POLL: variants seen among roughly 807,000 people sequenced by gnomAD.
POLL encodes the protein DNA polymerase beta-2.
In POLL, 44 loss-of-function variants were observed where a neutral mutation model predicts 58.1. The ratio of observed to expected loss-of-function variants is 0.76; its 90% CI spans 0.60 to 0.97. The LOEUF (loss-of-function observed/expected upper bound fraction) is 0.97, where lower values mean the gene tolerates loss of function less well. Ranked by LOEUF, POLL falls within the 50% of genes least tolerant of loss-of-function variation. The pLI is 0.00. For missense variants in POLL, 632 were observed against 736.8 expected, an observed-to-expected ratio of 0.86 and a Z score of 1.65; for synonymous variants, 290 against 283.2, an observed-to-expected ratio of 1.02 and a Z score of -0.24.
In POLL at chr10:101,582,980, C is replaced by T. The variant is rs745521793; in HGVS notation, c.1066-89G>A. 5 of 1,542,624 alleles carry T rather than the reference C, an allele frequency of 3.2e-6. No individual in the cohort carries two copies. In the South Asian group the frequency reaches 5.6e-5, roughly 17 times the overall value. ...GCACACACACAAGGCTTCCATCGCCCCAGACTCTAGGGAAGGCTAGAGGCA... is the reference window on the plus strand; with the variant it reads ...GCACACACACAAGGCTTCCATCGCCTCAGACTCTAGGGAAGGCTAGAGGCA... On this transcript the variant is annotated intron_variant, in intron 6 of 8. Coordinates refer to ENST00000370162, the MANE Select transcript of POLL (RefSeq NM_001174084.2).
intron 4 of POLL, 58 bp from the exon 5 acceptor site, chr10:101,584,977 T>A: frequency 2.1e-6 from 2 of 975,106 alleles, no homozygotes; most frequent in Non-Finnish European, 2.7e-6. Context: ...GAAGGGATCC[T>A]TAAAGGTGGG....
intron 7 of POLL, 63 bp downstream of exon 7, chr10:101,582,700 G>T: frequency 6.4e-7 from 1 of 1,573,282 alleles, no homozygotes; most frequent in Non-Finnish European, 8.7e-7. Context: ...GGGGTTCTTG[G>T]CTTTGACCCA....
chr10:101,587,473 A>C, intron 1 of POLL, 67 bp from the exon 2 acceptor site: 9 of 1,418,734 alleles, frequency 6.3e-6, no homozygotes, highest in Middle Eastern at 2.5e-4. Context: ...GTCTTTCCTG[A>C]CCAGGCTTTG....
chr10:101,580,136 G>C lies in POLL; in HGVS notation c.1363+112C>G. The stretch of plus-strand genomic sequence containing the variant: ...AGAGATGGGATGCTGGCAAAGCACT[G>C]TTCCCCTGCTTCCTGCCTCAGGACT... On this transcript the variant is annotated intron_variant, in intron 8 of 8. Coordinates refer to ENST00000370162, the MANE Select transcript of POLL (RefSeq NM_001174084.2). The surrounding 1 kb of genome is among the most constrained non-coding windows in gnomAD (Gnocchi z 4.1). 1.0e-6 allele frequency: 1 copy of C among 971,974 alleles called. No homozygotes were observed. Among genetic ancestry groups the C allele is most frequent in the Non-Finnish European group, 1.6e-6 (1 of 641,008 alleles). The allele number at this position is 971,974 out of a possible 1,614,324, so 60.2% of individuals were successfully genotyped here. A position where few individuals can be genotyped will look rare whatever the true frequency, so the allele number is the denominator to read the frequency against.
chr10:101,580,738 G>C lies in POLL; in HGVS notation c.1195-322C>G, dbSNP rs1237022587. ...GGAGACACAGACTCTCTCTGCCCCTGCCCCAGCCCACGTGCCCAGGTCTGT... is the reference window on the plus strand; with the variant it reads ...GGAGACACAGACTCTCTCTGCCCCTCCCCCAGCCCACGTGCCCAGGTCTGT... On this transcript the variant is annotated intron_variant, in intron 7 of 8. Coordinates refer to ENST00000370162, the MANE Select transcript of POLL (RefSeq NM_001174084.2). The surrounding 1 kb of genome is among the most constrained non-coding windows in gnomAD (Gnocchi z 4.1). 1 of 244,382 alleles carries C rather than the reference G, an allele frequency of 4.1e-6. No homozygotes were observed. The highest frequency in any genetic ancestry group is 2.3e-5 in the African/African-American group (1 of 44,080). 15.1% of individuals were successfully genotyped at this position (244,382 alleles called of 1,614,324 possible). A position where few individuals can be genotyped will look rare whatever the true frequency, so the allele number is the denominator to read the frequency against.
intron 7 of POLL, chr10:101,582,199 C>T (rs2134599593): frequency 6.5e-6 from 1 of 153,546 alleles, no homozygotes; most frequent in Admixed American, 6.4e-5. Flanking sequence ...AGCCCCAAAC[C>T]AAATCCTACT....
Position 101,585,524 on chromosome 10 carries a change from T to C in POLL, c.411-46A>G, listed in dbSNP as rs746382906. The C allele has an allele frequency of 2.7e-5, 39 of 1,438,790 alleles. No individual in the cohort carries two copies. The East Asian group carries it at 7.1e-4, about 26-fold the overall frequency. The allele number at this position is 1,438,790 out of a possible 1,614,324, so 89.1% of individuals were successfully genotyped here. On this transcript the variant is annotated intron_variant, in intron 3 of 8. Coordinates refer to ENST00000370162, the MANE Select transcript of POLL (RefSeq NM_001174084.2). ...GGTTAAGACACCAAAGGTCTCACCC[T>C]GTATCTGTCCCCAGTCCTTCTGTAC...
In POLL at chr10:101,583,545, C is replaced by A. The variant is rs1240341046; in HGVS notation, c.1028G>T (p.Gly343Val). Residue 343 changes from glycine (G) to valine (V), a missense_variant, in exon 6 of 9, where the codon GGA (glycine) becomes GTA (valine). Gly to Val is a moderately radical substitution (Grantham distance 109). Coordinates refer to ENST00000370162, the MANE Select transcript of POLL (RefSeq NM_001174084.2). ...CATCTGGGCAGTCTTGGTCCCAGCT[C>A]CCCAGATGTTGGAGAAGAGCTCCAA... Reference protein sequence around the residue: ...PVLELFSNIWGAGTKTAQMWY... With the variant: ...PVLELFSNIWVAGTKTAQMWY... 3.1e-6 allele frequency: 5 copies of A among 1,613,660 alleles called. No homozygotes were observed. Among genetic ancestry groups the A allele is most frequent in the Non-Finnish European group, 4.2e-6 (5 of 1,180,036 alleles).
chr10:101,580,404 C>T lies in POLL; in HGVS notation c.1207G>A (p.Ala403Thr). 6.2e-7 allele frequency: 1 copy of T among 1,613,658 alleles called. No individual in the cohort carries two copies. The highest frequency in any genetic ancestry group is 2.2e-5 in the East Asian group (1 of 44,866). Residue 403 changes from alanine to threonine, a missense_variant, in exon 8 of 9, where the codon GCC (alanine) becomes ACC (threonine). Coordinates refer to ENST00000370162, the MANE Select transcript of POLL (RefSeq NM_001174084.2). The surrounding 1 kb of genome is among the most constrained non-coding windows in gnomAD (Gnocchi z 4.1). ...AGCAGCCCAGAGTTAAAGGCCTGGGCTGCTTTCTGGACCTGGGAAAGAGAG... is the reference window on the plus strand; with the variant it reads ...AGCAGCCCAGAGTTAAAGGCCTGGGTTGCTTTCTGGACCTGGGAAAGAGAG... ...TEIEQTVQKA[A>T]QAFNSGLLCV...
chr10:101,583,391 G>C lies in POLL; in HGVS notation c.1065+117C>G, dbSNP rs1443563984. 3.6e-6 allele frequency: 4 copies of C among 1,117,028 alleles called. No individual in the cohort carries two copies. The African/African-American group carries it at 6.1e-5, about 17-fold the overall frequency. 69.2% of individuals were successfully genotyped at this position (1,117,028 alleles called of 1,614,324 possible). A position where few individuals can be genotyped will look rare whatever the true frequency, so the allele number is the denominator to read the frequency against. ...GCTTGAAAAATGGTCTCCCTATACT[G>C]TGGGTGCATTCCCATCAGAGCACAG... On this transcript the variant is annotated intron_variant, in intron 6 of 8. Transcript: ENST00000370162.
chr10:101,584,831 G>T lies in POLL; in HGVS notation c.662C>A (p.Thr221Asn), dbSNP rs767295219. Residue 221 changes from threonine (T) to asparagine (N), a missense_variant, in exon 5 of 9, where the codon ACC becomes AAC. Coordinates refer to ENST00000370162, the MANE Select transcript of POLL (RefSeq NM_001174084.2). ...AGGCTCACAATCTCCCTCAAGGGAGGTGGGGTAGTGGCCACTGATGAGGGC... is the reference window on the plus strand; with the variant it reads ...AGGCTCACAATCTCCCTCAAGGGAGTTGGGGTAGTGGCCACTGATGAGGGC... Reference protein sequence around the residue: ...LEALISGHYPTSLEGDCEPSP... With the variant: ...LEALISGHYPNSLEGDCEPSP... 3.2e-6 allele frequency: 5 copies of T among 1,542,172 alleles called. No individual in the cohort carries two copies. The highest frequency in any genetic ancestry group is 1.2e-5 in the South Asian group (1 of 80,042).
intron 5 of POLL, 53 bp downstream of exon 5, chr10:101,584,549 T>C: frequency 7.6e-7 from 1 of 1,321,664 alleles, no homozygotes; most frequent in South Asian, 1.6e-5. Flanking sequence ...CCCACTGGGG[T>C]TACTAACCAC....
In POLL at chr10:101,580,158, G is replaced by A; in HGVS notation, c.1363+90C>T. 1 of 1,127,964 alleles carries A rather than the reference G, an allele frequency of 8.9e-7. No individual in the cohort carries two copies. Among genetic ancestry groups the A allele is most frequent in the Non-Finnish European group, 1.3e-6 (1 of 775,756 alleles). 69.9% of individuals were successfully genotyped at this position (1,127,964 alleles called of 1,614,324 possible). A position where few individuals can be genotyped will look rare whatever the true frequency, so the allele number is the denominator to read the frequency against. On this transcript the variant is annotated intron_variant, in intron 8 of 8. Transcript: ENST00000370162. The surrounding 1 kb of genome is among the most constrained non-coding windows in gnomAD (Gnocchi z 4.1). ...ACTGTTCCCCTGCTTCCTGCCTCAG[G>A]ACTGGAACTTCTGAGGTTCTCCCTC... is the stretch of plus-strand genomic sequence containing the variant.
At position 101,580,618 on chromosome 10, in the gene POLL, T is replaced by C. The variant is rs867724663; in HGVS notation, c.1195-202A>G. ...ACAGGAGAGAAGAAAAAGCTCACTG[T>C]GCAGGAGGCAAGCCTGAGGAGAGAC... On this transcript the variant is annotated intron_variant, in intron 7 of 8. Transcript: ENST00000370162. This position sits in a 1 kb window ranked among gnomAD's most constrained non-coding sequence, Gnocchi z 4.1. The C allele has an allele frequency of 1.8e-6, 1 of 561,654 alleles. No homozygotes were observed. The highest frequency in any genetic ancestry group is 1.9e-5 in the African/African-American group (1 of 52,756). 34.8% of individuals were successfully genotyped at this position (561,654 alleles called of 1,614,324 possible).
At chr10:101,587,642 G>T in intron 1 of POLL, 180 bp downstream of exon 1, 1 of 967,080 alleles carries the variant, frequency 1.0e-6, no homozygotes, top group Non-Finnish European at 1.4e-6. Flanking sequence ...GGGTACTTTT[G>T]AGGAGTAGGA....
In POLL at chr10:101,580,961, A is replaced by T. The variant is rs2062954042; in HGVS notation, c.1195-545T>A. The T allele has an allele frequency of 6.6e-6, 1 of 152,346 alleles. No individual in the cohort carries two copies. Among genetic ancestry groups the T allele is most frequent in the Non-Finnish European group, 1.5e-5 (1 of 68,218 alleles). The allele number at this position is 152,346 out of a possible 1,614,324, so 9.4% of individuals were successfully genotyped here. Reference sequence around the variant, plus strand: ...ACAGAAATACAGCTGCACCTGTGGGAAAGGAGAGGAAAGAAAGCAAAGAGG... The same window carrying T: ...ACAGAAATACAGCTGCACCTGTGGGTAAGGAGAGGAAAGAAAGCAAAGAGG... On this transcript the variant is annotated intron_variant, in intron 7 of 8. Transcript: ENST00000370162. The surrounding 1 kb of genome is among the most constrained non-coding windows in gnomAD (Gnocchi z 4.1).
chr10:101,579,432 C>T lies in POLL; in HGVS notation c.*21G>A, dbSNP rs368986507. On this transcript the variant is annotated 3_prime_UTR_variant, in exon 9 of 9. Coordinates refer to ENST00000370162, the MANE Select transcript of POLL (RefSeq NM_001174084.2). The surrounding 1 kb of genome is among the most constrained non-coding windows in gnomAD (Gnocchi z 4.4). ...GGGTAGCCAGTCCAACTCGGCTCTC[C>T]TCAGCACCCCCAGCCATGGGTCACC... is the stretch of plus-strand genomic sequence containing the variant. The T allele has an allele frequency of 2.7e-4, 422 of 1,586,390 alleles. 2 individuals carry two copies. The highest frequency in any genetic ancestry group is 3.5e-4 in the Non-Finnish European group (407 of 1,168,554).
rs144419506 is a variant in POLL at position 101,584,672 on chromosome 10, C to G, written c.821G>C (p.Trp274Ser). The G allele has an allele frequency of 6.2e-7, 1 of 1,613,478 alleles. No individual in the cohort carries two copies. Among genetic ancestry groups the G allele is most frequent in the South Asian group, 1.1e-5 (1 of 90,978 alleles). ...GGCCTTGGCATAGCCCAGGGCCCTC[C>G]ACTTGTCTCCCTGAACACTGTAGGC... ...AKAYSVQGDK[W>S]RALGYAKAIN... The change falls in exon 5 of 9, where the codon TGG becomes TCG. Residue 274 changes from tryptophan (W) to serine (S), a missense_variant. By Grantham distance (177) the Trp-to-Ser change is radical. Transcript: ENST00000370162.
chr10:101,587,951 G>A lies in POLL; in HGVS notation c.-176C>T, dbSNP rs755214913. 4 of 1,251,450 alleles carry A rather than the reference G, an allele frequency of 3.2e-6. No homozygotes were observed. The African/African-American group carries it at 6.1e-5, about 19-fold the overall frequency. The allele number at this position is 1,251,450 out of a possible 1,614,324, so 77.5% of individuals were successfully genotyped here. A position where few individuals can be genotyped will look rare whatever the true frequency, so the allele number is the denominator to read the frequency against. On this transcript the variant is annotated 5_prime_UTR_variant, in exon 1 of 9. Transcript: ENST00000370162. ...CGCAGCTGCGGGGAGATGGGGCACG[G>A]CCGCAGCAGGTGTGGGGAGCCCTCC...
Sources: allele counts gnomAD v4.1 joint callset, GRCh38; gene constraint gnomAD v4.1.1; non-coding constraint Gnocchi (gnomAD v3.1); transcripts MANE v1.5; gene names NCBI Gene and HGNC (gene_info 2026-07-23, HGNC 2026-07-21).